MAML3: variants seen among roughly 807,000 people sequenced by gnomAD.
MAML3 encodes the protein mastermind-like protein 3.
A neutral mutation model predicts 101.9 loss-of-function variants in MAML3; 27 were observed. The ratio of observed to expected loss-of-function variants is 0.27; its 90% confidence interval spans 0.20 to 0.37. The LOEUF (loss-of-function observed/expected upper bound fraction) is 0.37. MAML3 is among the 10% of genes least tolerant of loss of function. The probability of loss-of-function intolerance (pLI) is 1.00; values close to 1 mark genes in which losing one functional copy is unlikely to be tolerated. For missense variants in MAML3, 1,316 were observed against 1,444.9 expected, an observed-to-expected ratio of 0.91 and a Z score of 1.45; for synonymous variants, 501 against 555.9, an observed-to-expected ratio of 0.90 and a Z score of 1.39.
At chr4:139,744,749 C>A (rs906539591) in intron 2 of MAML3, among the ~76,000 whole-genome samples, 1 of 152,126 alleles carries the variant, frequency 6.6e-6, no homozygotes, top group Non-Finnish European at 1.5e-5. Flanking sequence ...AGTGCAGAGA[C>A]AAGGTGCACT....
chr4:139,781,508 C>CATATATATATATATATATATAT lies in MAML3; in HGVS notation c.2080-50863_2080-50842dup, dbSNP rs10568513. ...TCTTCTAATGATCGCAGAGCATTTT[C>CATATATATATATATATATATAT]ATATATATATATATATATATATAGT... On this transcript the variant is annotated intron_variant, in intron 2 of 4. Transcript: ENST00000509479. 5.4e-3 allele frequency among the ~76,000 whole-genome samples: 738 copies of CATATATATATATATATATATAT among 136,746 alleles called. 13 individuals are homozygous for CATATATATATATATATATATAT. Among genetic ancestry groups the CATATATATATATATATATATAT allele is most frequent in the Middle Eastern group, 0.016 (4 of 258 alleles). The allele number at this position is 136,746 out of a possible 152,430, so 89.7% of individuals were successfully genotyped here. A position where few individuals can be genotyped will look rare whatever the true frequency, so the allele number is the denominator to read the frequency against.
intron 2 of MAML3, among the ~76,000 whole-genome samples, chr4:139,758,618 C>G (rs769179647): frequency 3.3e-5 from 5 of 152,172 alleles, no homozygotes; most frequent in Non-Finnish European, 7.3e-5. Context: ...CAGCCATGTT[C>G]GGCTGCAGGA....
chr4:139,723,434 C>T (rs1461933784), intron 4 of MAML3, among the ~76,000 whole-genome samples: 5 of 152,192 alleles, frequency 3.3e-5, no homozygotes, highest in African/African-American at 7.2e-5. Context: ...CCCCAGCCTC[C>T]GGAGTAGCTG....
chr4:140,110,213 T>G (rs560011328), intron 1 of MAML3, among the ~76,000 whole-genome samples: 40 of 152,302 alleles, frequency 2.6e-4, no homozygotes, highest in African/African-American at 9.6e-4. Flanking sequence ...AATGTCCTAG[T>G]TTTTGGCCTA....
intron 1 of MAML3, among the ~76,000 whole-genome samples, chr4:140,110,151 C>T (rs960881927): frequency 5.9e-5 from 9 of 152,140 alleles, no homozygotes; most frequent in Non-Finnish European, 1.0e-4. Flanking sequence ...TCTAGTTCAG[C>T]GATGATCATC....
Position 139,729,232 on chromosome 4 carries a change from C to G in MAML3, c.2331+1184G>C, listed in dbSNP as rs535551691. ...GTACAATTTTTCTCTTTGGGGGATGCCTGGTGTTACTTTGAACTGCTATTC... is the reference window on the plus strand; with the variant it reads ...GTACAATTTTTCTCTTTGGGGGATGGCTGGTGTTACTTTGAACTGCTATTC... On this transcript the variant is annotated intron_variant, in intron 3 of 4. Coordinates refer to ENST00000509479, the MANE Select transcript of MAML3 (RefSeq NM_018717.5). 6.7e-5 allele frequency among the ~76,000 whole-genome samples: 10 copies of G among 150,302 alleles called. No individual in the cohort carries two copies. In the South Asian group the frequency reaches 1.9e-3, roughly 29 times the overall value.
At chr4:140,039,358 G>A (rs77385484) in intron 1 of MAML3, among the ~76,000 whole-genome samples, 2,146 of 152,146 alleles carry the variant, frequency 0.014, 65 homozygotes, top group African/African-American at 0.048. Flanking sequence ...TGTTCTAGCG[G>A]AAATCCACAG....
At chr4:140,073,646 G>A (rs1338926888) in intron 1 of MAML3, among the ~76,000 whole-genome samples, 1 of 152,048 alleles carries the variant, frequency 6.6e-6, no homozygotes, top group East Asian at 1.9e-4. Flanking sequence ...GGGGACAGGG[G>A]GTGTATGTGA....
intron 1 of MAML3, among the ~76,000 whole-genome samples, chr4:140,139,287 T>C (rs1006914106): frequency 6.6e-6 from 1 of 152,074 alleles, no homozygotes; most frequent in Non-Finnish European, 1.5e-5. Context: ...TTTTTTCTTT[T>C]CTTTTGAGAC....
At chr4:140,020,518 G>C (rs917050535) in intron 1 of MAML3, among the ~76,000 whole-genome samples, 3 of 151,892 alleles carry the variant, frequency 2.0e-5, no homozygotes, top group Non-Finnish European at 4.4e-5. Flanking sequence ...CAAATAGTTT[G>C]ATATTGAGCA....
chr4:139,865,798 T>C (rs1260029140), intron 2 of MAML3, among the ~76,000 whole-genome samples: 2 of 152,240 alleles, frequency 1.3e-5, no homozygotes, highest in Admixed American at 6.5e-5. Flanking sequence ...TCTGACCACA[T>C]ACATGTCTAC....
chr4:139,897,241 A>G (rs1356745987), intron 1 of MAML3, among the ~76,000 whole-genome samples: 3 of 152,210 alleles, frequency 2.0e-5, no homozygotes, highest in Non-Finnish European at 4.4e-5. Context: ...CAATGATTCT[A>G]AAAGATAGGT....
chr4:140,053,198 C>T (rs1454172436), intron 1 of MAML3, among the ~76,000 whole-genome samples: 1 of 152,088 alleles, frequency 6.6e-6, no homozygotes, highest in Non-Finnish European at 1.5e-5. Context: ...GTTGGATAGG[C>T]TGTTTGGAAA....
chr4:139,812,972 TAA>T (rs36096630), intron 2 of MAML3, among the ~76,000 whole-genome samples: 5 of 128,232 alleles, frequency 3.9e-5, no homozygotes, highest in Non-Finnish European at 6.4e-5. Context: ...CTCAGAAATG[TAA>T]AAAAAAAAAA....
intron 2 of MAML3, among the ~76,000 whole-genome samples, chr4:139,829,003 AAGG>A: frequency 7.5e-6 from 1 of 134,036 alleles, no homozygotes; most frequent in East Asian, 2.1e-4. Flanking sequence ...GGAAGGAAGG[AAGG>A]AAGGAAGGAA....
At chr4:139,931,194 C>A (rs1284041292) in intron 1 of MAML3, among the ~76,000 whole-genome samples, 1 of 152,160 alleles carries the variant, frequency 6.6e-6, no homozygotes. Flanking sequence ...ACAGCGCCAG[C>A]AGAGCATTAA....
chr4:140,034,265 A>G (rs1726950959), intron 1 of MAML3, among the ~76,000 whole-genome samples: 1 of 152,226 alleles, frequency 6.6e-6, no homozygotes, highest in African/African-American at 2.4e-5. Flanking sequence ...CTCAACCTGG[A>G]AGTTAATTCC....
intron 1 of MAML3, among the ~76,000 whole-genome samples, chr4:139,927,466 C>T (rs554155730): frequency 2.6e-5 from 4 of 152,264 alleles, no homozygotes; most frequent in South Asian, 2.1e-4. Flanking sequence ...ACGCAAATTC[C>T]GTTTCTCCTC....
intron 2 of MAML3, among the ~76,000 whole-genome samples, chr4:139,853,626 T>C (rs538318922): frequency 1.3e-5 from 2 of 152,266 alleles, no homozygotes; most frequent in African/African-American, 4.8e-5. Context: ...GCCAAGCTGA[T>C]AATAACACCT....
Sources: allele counts gnomAD v4.1 joint callset (sites outside exome capture counted in the v4.1 genomes callset), GRCh38; gene constraint gnomAD v4.1.1; transcripts MANE v1.5; gene names NCBI Gene and HGNC (gene_info 2026-07-23, HGNC 2026-07-21).